The following DENND5B variants were observed in gnomAD, a reference collection of about 807,000 sequenced individuals.
The protein encoded by DENND5B is DENN domain containing 5B.
DENND5B carries 34 observed loss-of-function variants against 140.6 expected under a neutral mutation model. The observed-to-expected ratio is 0.24, with a 90% CI of 0.18 to 0.32. The LOEUF (loss-of-function observed/expected upper bound fraction) is 0.32, where lower values mean the gene tolerates loss of function less well. Ranked by LOEUF, DENND5B falls within the 10% of genes least tolerant of loss-of-function variation. The pLI is 1.00. For synonymous variants in DENND5B, 551 were observed against 562.1 expected (o/e 0.98, Z 0.28); for missense variants, 1,142 against 1,560.2 (o/e 0.73, Z 4.52).
rs1196966684 is a variant in DENND5B, at chr12:31,389,194, T to C, written c.3641+130A>G. 4 of 901,308 alleles carry C rather than the reference T, an allele frequency of 4.4e-6. No individual in the cohort carries two copies. In the Admixed American group the frequency reaches 9.9e-5, roughly 22 times the overall value. 55.8% of individuals were successfully genotyped at this position (901,308 alleles called of 1,614,324 possible). A position where few individuals can be genotyped will look rare whatever the true frequency, so the allele number is the denominator to read the frequency against. On this transcript the variant is annotated intron_variant, in intron 20 of 20. Coordinates refer to ENST00000389082, the MANE Select transcript of DENND5B (RefSeq NM_144973.4). ...CCTAGGCGATGGAGTGAGACTCTGT[T>C]TCAAAAGAAAAAGTAAAAGGAAAGA...
At chr12:31,560,578 C>T (rs1949439591) in intron 1 of DENND5B, among the ~76,000 whole-genome samples, 1 of 152,168 alleles carries the variant, frequency 6.6e-6, no homozygotes, top group Non-Finnish European at 1.5e-5. Flanking sequence ...CAGCTAGCTG[C>T]CAGGATGATC....
chr12:31,432,997 T>C (rs1943578991), intron 8 of DENND5B, 158 bp downstream of exon 8: 1 of 585,394 alleles, frequency 1.7e-6, no homozygotes, highest in African/African-American at 1.9e-5. Context: ...GGGTGTTTTC[T>C]GCTATATGTC....
Position 31,522,733 on chromosome 12 carries a change from C to T in DENND5B, c.128-26814G>A, listed in dbSNP as rs142406895. Among the ~76,000 whole-genome samples, 486 of 152,294 alleles carry T rather than the reference C, an allele frequency of 3.2e-3. 4 individuals are homozygous for T. Among genetic ancestry groups the T allele is most frequent in the African/African-American group, 0.011 (444 of 41,558 alleles). On this transcript the variant is annotated intron_variant, in intron 1 of 20. Transcript: ENST00000389082. ...GGGACTACAGGTGAGCGACTGCACACGGCCTTTTTTAACCTTTAACTCTCC... is the reference window on the plus strand; with the variant it reads ...GGGACTACAGGTGAGCGACTGCACATGGCCTTTTTTAACCTTTAACTCTCC...
intron 1 of DENND5B, among the ~76,000 whole-genome samples, chr12:31,576,937 T>G (rs1853963089): frequency 6.6e-6 from 1 of 152,008 alleles, no homozygotes; most frequent in Non-Finnish European, 1.5e-5. Context: ...TATGAGGTTT[T>G]ACATAATGAT....
chr12:31,410,554 C>G (rs11830280), intron 13 of DENND5B, among the ~76,000 whole-genome samples: 11 of 152,130 alleles, frequency 7.2e-5, no homozygotes, highest in African/African-American at 2.6e-4. Context: ...CACAGGTGCA[C>G]GCTACCACAC....
chr12:31,558,416 C>T (rs1434144669), intron 1 of DENND5B, among the ~76,000 whole-genome samples: 1 of 152,168 alleles, frequency 6.6e-6, no homozygotes, highest in East Asian at 1.9e-4. Flanking sequence ...AAATGGTTCT[C>T]ACCTCTTTGA....
chr12:31,432,182 G>C (rs773847624), intron 8 of DENND5B: 3 of 946,114 alleles, frequency 3.2e-6, no homozygotes, highest in Non-Finnish European at 3.8e-6. Flanking sequence ...GCCAATGACA[G>C]GAAAGCAAAA....
At chr12:31,412,310 T>C (rs1942502536) in intron 13 of DENND5B, among the ~76,000 whole-genome samples, 1 of 152,284 alleles carries the variant, frequency 6.6e-6, no homozygotes, top group Non-Finnish European at 1.5e-5. Context: ...AATTGACATG[T>C]ACTTGACTGG....
chr12:31,514,947 T>C (rs1947569543), intron 1 of DENND5B, among the ~76,000 whole-genome samples: 1 of 151,974 alleles, frequency 6.6e-6, no homozygotes, highest in Non-Finnish European at 1.5e-5. Flanking sequence ...TCAAGACCTT[T>C]TTCTCTACAA....
chr12:31,413,785 G>C (rs144170578), intron 12 of DENND5B, among the ~76,000 whole-genome samples: 1 of 152,146 alleles, frequency 6.6e-6, no homozygotes, highest in Non-Finnish European at 1.5e-5. Flanking sequence ...CGGACAATGT[G>C]GTAAGATAAA....
Position 31,452,099 on chromosome 12 carries a change from C to T in DENND5B, c.1470G>A (p.Glu490=), listed in dbSNP as rs773587845. Residue 490 remains glutamate (E), a synonymous_variant, in exon 5 of 21, where the codon GAG becomes GAA. Coordinates refer to ENST00000389082, the MANE Select transcript of DENND5B (RefSeq NM_144973.4). ...TGAGCTGGTAGTCCCTTAGTTCTGC[C>T]TCTTCACAATGCAGTTTTAAATCCT... is the stretch of plus-strand genomic sequence containing the variant. The part of the protein sequence containing the change: ...KDKDLKLHCE[E]AELRDYQLNV... The T allele has an allele frequency of 3.8e-5, 61 of 1,613,814 alleles. No homozygotes were observed. Among genetic ancestry groups the T allele is most frequent in the Middle Eastern group, 1.6e-4 (1 of 6,084 alleles).
chr12:31,440,974 G>A (rs1429847705), intron 7 of DENND5B, among the ~76,000 whole-genome samples: 1 of 152,160 alleles, frequency 6.6e-6, no homozygotes, highest in African/African-American at 2.4e-5. Flanking sequence ...GGCCTCAAGT[G>A]ATACACTTGC....
intron 9 of DENND5B, 142 bp downstream of exon 9, chr12:31,426,151 G>T: frequency 1.1e-6 from 1 of 892,022 alleles, no homozygotes; most frequent in Non-Finnish European, 1.6e-6. Context: ...CCCGAGTAAA[G>T]AGCACATGAG....
intron 8 of DENND5B, among the ~76,000 whole-genome samples, chr12:31,429,523 C>T (rs1225960626): frequency 2.0e-5 from 3 of 152,148 alleles, no homozygotes; most frequent in Non-Finnish European, 4.4e-5. Context: ...GTTCTCCTGC[C>T]TCAGCCTCTC....
intron 1 of DENND5B, among the ~76,000 whole-genome samples, chr12:31,527,757 G>T (rs1213054095): frequency 6.6e-6 from 1 of 151,916 alleles, no homozygotes; most frequent in African/African-American, 2.4e-5. Context: ...TAGCCTGCGT[G>T]ACAGAGCAAG....
intron 17 of DENND5B, among the ~76,000 whole-genome samples, chr12:31,394,961 C>T (rs10843938): frequency 0.38 from 58,261 of 151,826 alleles, 12,043 homozygotes; most frequent in East Asian, 0.57. Context: ...CTCCTGGCAA[C>T]CAATGATCTA....
Position 31,389,395 on chromosome 12 carries a change from A to G in DENND5B, c.3570T>C (p.Asn1190=). The part of the protein sequence containing the change: ...SSCKTFCHYV[N]AINTAPRNIG... The stretch of plus-strand genomic sequence containing the variant: ...TGTTCCTGGGTGCAGTATTAATAGC[A>G]TTTACGTAGTGGCAGAAGGTTTTGC... Residue 1190 remains asparagine, a synonymous_variant, in exon 20 of 21, where the codon AAT becomes AAC. Transcript: ENST00000389082. The G allele has an allele frequency of 6.2e-7, 1 of 1,613,394 alleles. No homozygotes were observed. Among genetic ancestry groups the G allele is most frequent in the Non-Finnish European group, 8.5e-7 (1 of 1,179,682 alleles).
chr12:31,420,445 ATT>A (rs3032941), intron 11 of DENND5B, among the ~76,000 whole-genome samples: 61,010 of 145,194 alleles, frequency 0.42, 12,861 homozygotes, highest in Admixed American at 0.58. Context: ...CCTCCCAACA[ATT>A]TTTTTTTTTT....
intron 5 of DENND5B, among the ~76,000 whole-genome samples, chr12:31,451,176 CTAAA>C (rs1272045039): frequency 3.9e-5 from 6 of 152,040 alleles, no homozygotes; most frequent in Non-Finnish European, 5.9e-5. Flanking sequence ...GATTTCTAGA[CTAAA>C]TAAATAGATT....
Sources: allele counts gnomAD v4.1 joint callset (sites outside exome capture counted in the v4.1 genomes callset), GRCh38; gene constraint gnomAD v4.1.1; transcripts MANE v1.5; gene names NCBI Gene and HGNC (gene_info 2026-07-23, HGNC 2026-07-21).